PDE6A: variants seen among roughly 807,000 people sequenced by gnomAD.
PDE6A encodes the protein phosphodiesterase 6A, also known as rod cGMP-specific 3',5'-cyclic phosphodiesterase subunit alpha.
Under a neutral mutation model 106.3 loss-of-function variants are expected in PDE6A, and 84 were observed. The observed-to-expected ratio is 0.79, with a 90% CI of 0.66 to 0.95. PDE6A has a LOEUF of 0.95. Ranked by LOEUF, PDE6A falls within the 40% of genes least tolerant of loss-of-function variation. PDE6A has a pLI of 0.00. For synonymous variants in PDE6A, 394 were observed against 386.6 expected, an observed-to-expected ratio of 1.02 and a Z score of -0.23; for missense variants, 1,052 against 1,084.9, an observed-to-expected ratio of 0.97 and a Z score of 0.43.
At chr5:149,910,089 G>T (rs1262086807) in intron 6 of PDE6A, among the ~76,000 whole-genome samples, 1 of 152,070 alleles carries the variant, frequency 6.6e-6, no homozygotes, top group Non-Finnish European at 1.5e-5. Context: ...ATGTTATGAG[G>T]TGCTTGCAAA....
At chr5:149,877,412 G>T (rs959756606) in intron 17 of PDE6A, among the ~76,000 whole-genome samples, 2 of 152,056 alleles carry the variant, frequency 1.3e-5, no homozygotes, top group African/African-American at 4.8e-5. Context: ...ACCTTTATTT[G>T]TCTCTACAAA....
At chr5:149,879,957 T>TA (rs1476177572) in intron 17 of PDE6A, among the ~76,000 whole-genome samples, 1 of 152,146 alleles carries the variant, frequency 6.6e-6, no homozygotes, top group Admixed American at 6.5e-5. Flanking sequence ...CTGATGAACT[T>TA]ACACCTTTCT....
intron 6 of PDE6A, among the ~76,000 whole-genome samples, chr5:149,912,681 C>G (rs1581194920): frequency 6.6e-6 from 1 of 152,280 alleles, no homozygotes; most frequent in East Asian, 1.9e-4. Context: ...CCAACCACAC[C>G]CGCTAGCTGG....
intron 17 of PDE6A, among the ~76,000 whole-genome samples, chr5:149,878,291 C>G (rs1760812381): frequency 6.6e-6 from 1 of 151,990 alleles, no homozygotes; most frequent in Non-Finnish European, 1.5e-5. Context: ...TGATTGAGAT[C>G]CTGCTCCTGG....
chr5:149,865,825 A>C (rs182716583), intron 20 of PDE6A, among the ~76,000 whole-genome samples: 78 of 152,364 alleles, frequency 5.1e-4, no homozygotes, highest in Non-Finnish European at 9.3e-4. Flanking sequence ...GAAAGTCCAG[A>C]TTATCTTTTC....
chr5:149,887,983 T>TGTGTGG (rs1457296170), intron 13 of PDE6A, among the ~76,000 whole-genome samples: 2 of 152,060 alleles, frequency 1.3e-5, no homozygotes, highest in African/African-American at 4.8e-5. Flanking sequence ...TGTGTGTGTG[T>TGTGTGG]GTGTGTCTTT....
chr5:149,903,163 A>AC (rs1554089496), intron 8 of PDE6A, among the ~76,000 whole-genome samples: 15 of 149,190 alleles, frequency 1.0e-4, no homozygotes, highest in African/African-American at 3.7e-4. Context: ...AAAAAAAAAA[A>AC]AAAAACAAAA....
intron 2 of PDE6A, 38 bp downstream of exon 2, chr5:149,934,528 G>T: frequency 6.2e-7 from 1 of 1,607,728 alleles, no homozygotes. Flanking sequence ...GGGAGAATGT[G>T]CTAGCATGGC....
At chr5:149,870,019 T>C (rs147612601) in intron 17 of PDE6A, among the ~76,000 whole-genome samples, 177 of 152,328 alleles carry the variant, frequency 1.2e-3, no homozygotes, top group African/African-American at 4.1e-3. Flanking sequence ...CCTGGCACAG[T>C]GGCTCACACC....
intron 3 of PDE6A, 36 bp downstream of exon 3, chr5:149,933,894 C>T (rs757751607): frequency 2.1e-5 from 31 of 1,477,378 alleles, no homozygotes; most frequent in South Asian, 6.9e-5. Flanking sequence ...AGGGAAAGGA[C>T]GAGTCAAGTC....
chr5:149,863,051 G>T lies in PDE6A; in HGVS notation c.2506+68C>A. The T allele has an allele frequency of 6.3e-7, 1 of 1,579,022 alleles. No homozygotes were observed. On this transcript the variant is annotated intron_variant, in intron 21 of 21. Transcript: ENST00000255266. This position sits in a 1 kb window ranked among gnomAD's most constrained non-coding sequence, Gnocchi z 4.7. The stretch of plus-strand genomic sequence containing the variant: ...GAGACTCCGTGTAAGAGTCTCTGAG[G>T]CAGGACGCAGACACTGAGTGCTCAG...
intron 5 of PDE6A, among the ~76,000 whole-genome samples, chr5:149,918,619 T>A (rs1753621527): frequency 6.6e-6 from 1 of 152,154 alleles, no homozygotes; most frequent in South Asian, 2.1e-4. Flanking sequence ...TTTTATTAAT[T>A]TACTTTTTTT....
At chr5:149,901,974 C>T (rs2113602748) in intron 8 of PDE6A, among the ~76,000 whole-genome samples, 1 of 152,276 alleles carries the variant, frequency 6.6e-6, no homozygotes, top group East Asian at 1.9e-4. Context: ...GCCCCCAGAG[C>T]TGAGGATATC....
intron 14 of PDE6A, 105 bp from the exon 15 acceptor site, chr5:149,884,972 G>A (rs1003046946): frequency 2.1e-5 from 20 of 939,648 alleles, no homozygotes; most frequent in South Asian, 5.4e-5. Flanking sequence ...AAGTGATTCC[G>A]AGTTACTTTT....
intron 4 of PDE6A, among the ~76,000 whole-genome samples, chr5:149,925,445 G>A (rs1057264335): frequency 5.3e-5 from 8 of 152,100 alleles, no homozygotes; most frequent in African/African-American, 1.2e-4. Context: ...AGTGGCTCAC[G>A]CCTGTAATAC....
chr5:149,898,105 A>G (rs1253596858), intron 10 of PDE6A, among the ~76,000 whole-genome samples: 2 of 152,202 alleles, frequency 1.3e-5, no homozygotes, highest in Non-Finnish European at 2.9e-5. Context: ...TTCTGCAAGC[A>G]ATAGCTGTCC....
chr5:149,910,507 A>G (rs943766356), intron 6 of PDE6A, among the ~76,000 whole-genome samples: 9 of 151,182 alleles, frequency 6.0e-5, no homozygotes, highest in Non-Finnish European at 1.0e-4. Context: ...TTTTTATCAT[A>G]TCTCACACTT....
At chr5:149,865,271 G>A (rs1390324875) in intron 20 of PDE6A, among the ~76,000 whole-genome samples, 1 of 150,450 alleles carries the variant, frequency 6.6e-6, no homozygotes, top group African/African-American at 2.5e-5. Flanking sequence ...TTAGCTGGAT[G>A]TGGTGGTGTG....
chr5:149,935,157 G>T (rs770674211), intron 1 of PDE6A, among the ~76,000 whole-genome samples: 18 of 152,084 alleles, frequency 1.2e-4, no homozygotes, highest in African/African-American at 3.4e-4. Flanking sequence ...TTTTATCTTC[G>T]CAATAAGCTA....
Sources: gnomAD v4.1 joint callset for allele counts (sites outside exome capture counted in the v4.1 genomes callset) on GRCh38, gnomAD v4.1.1 for gene constraint, Gnocchi (gnomAD v3.1) non-coding constraint, MANE v1.5 for transcripts, NCBI Gene and HGNC (gene_info 2026-07-23, HGNC 2026-07-21) for gene names.